IQCJ: variants seen among roughly 807,000 people sequenced by gnomAD.
The protein encoded by IQCJ is IQ motif containing J, also known as IQ domain-containing protein J.
In IQCJ, 9 loss-of-function variants were observed where a neutral mutation model predicts 11.0. The ratio of observed to expected loss-of-function variants is 0.82; its 90% CI spans 0.49 to 1.43. The LOEUF is 1.43. Ranked by LOEUF, IQCJ falls within the 40% of genes most tolerant of loss-of-function variation. The pLI, the probability that IQCJ is intolerant of heterozygous loss-of-function variation, is 0.00. For synonymous variants in IQCJ, 55 were observed against 51.3 expected (o/e 1.07, Z -0.31); for missense variants, 146 against 133.2 (o/e 1.10, Z -0.47).
At chr3:159,084,261 T>C (rs1397536154) in intron 1 of IQCJ, among the ~76,000 whole-genome samples, 1 of 132,230 alleles carries the variant, frequency 7.6e-6, no homozygotes, top group African/African-American at 2.8e-5. Flanking sequence ...AAAAAAAAAA[T>C]AGGGAGAAAA....
intron 2 of IQCJ, among the ~76,000 whole-genome samples, chr3:159,248,724 T>C (rs2108204800): frequency 6.6e-6 from 1 of 152,330 alleles, no homozygotes; most frequent in Admixed American, 6.5e-5. Context: ...TGAGAACCAG[T>C]AGTGAAAATA....
intron 1 of IQCJ, among the ~76,000 whole-genome samples, chr3:159,244,483 T>G (rs1281343359): frequency 1.3e-5 from 2 of 152,206 alleles, no homozygotes; most frequent in African/African-American, 2.4e-5. Context: ...AACTTTTTCA[T>G]CTGCAAAATC....
At chr3:159,114,683 G>A (rs890832474) in intron 1 of IQCJ, among the ~76,000 whole-genome samples, 2 of 152,072 alleles carry the variant, frequency 1.3e-5, no homozygotes, top group African/African-American at 4.8e-5. Context: ...AATGAAAATG[G>A]AACTCGTAAG....
At chr3:159,224,636 G>C (rs1394890841) in intron 1 of IQCJ, among the ~76,000 whole-genome samples, 1 of 152,138 alleles carries the variant, frequency 6.6e-6, no homozygotes, top group East Asian at 1.9e-4. Context: ...TGAACTTCCT[G>C]ATGGAAGTAT....
intron 1 of IQCJ, chr3:159,069,744 T>C: frequency 1.8e-6 from 1 of 558,518 alleles, no homozygotes; most frequent in Non-Finnish European, 3.4e-6. Flanking sequence ...GTCAGATCTG[T>C]AAATATCTTA....
intron 1 of IQCJ, among the ~76,000 whole-genome samples, chr3:159,101,520 G>T (rs2108099828): frequency 6.6e-6 from 1 of 152,298 alleles, no homozygotes; most frequent in South Asian, 2.1e-4. Flanking sequence ...CCACTCAGTG[G>T]ACATCAACTA....
intron 1 of IQCJ, among the ~76,000 whole-genome samples, chr3:159,227,887 G>T (rs771986229): frequency 1.3e-5 from 2 of 152,152 alleles, no homozygotes; most frequent in African/African-American, 4.8e-5. Flanking sequence ...TGAGTATTTC[G>T]CATTGAAGAG....
chr3:159,156,977 A>G (rs767785337), intron 1 of IQCJ, among the ~76,000 whole-genome samples: 2 of 152,184 alleles, frequency 1.3e-5, no homozygotes, highest in Non-Finnish European at 2.9e-5. Context: ...GTTTTTACCA[A>G]TGGACCTGGC....
chr3:159,144,001 C>T (rs931998529), intron 1 of IQCJ, among the ~76,000 whole-genome samples: 7 of 152,116 alleles, frequency 4.6e-5, no homozygotes, highest in African/African-American at 1.4e-4. Context: ...AGGGACAAAG[C>T]CTGTGCCCTC....
chr3:159,129,815 A>G (rs1004229290), intron 1 of IQCJ, among the ~76,000 whole-genome samples: 1 of 152,216 alleles, frequency 6.6e-6, no homozygotes, highest in African/African-American at 2.4e-5. Context: ...AGTTTCCCCC[A>G]GTGGTATTAT....
chr3:159,262,891 C>T lies in IQCJ; in HGVS notation c.*160C>T, dbSNP rs1728299059. On this transcript the variant is annotated 3_prime_UTR_variant, in exon 4 of 4. Coordinates refer to ENST00000397832, the MANE Select transcript of IQCJ (RefSeq NM_001042706.3). Reference sequence around the variant, plus strand: ...TTCATAAGCACAAAGTGAACTTTATCAAGTCTGGAGAAAATAGATTGCATT... The same window carrying T: ...TTCATAAGCACAAAGTGAACTTTATTAAGTCTGGAGAAAATAGATTGCATT... 7 of 1,392,114 alleles carry T rather than the reference C, an allele frequency of 5.0e-6. No individual in the cohort carries two copies. The allele number at this position is 1,392,114 out of a possible 1,614,324, so 86.2% of individuals were successfully genotyped here. A position where few individuals can be genotyped will look rare whatever the true frequency, so the allele number is the denominator to read the frequency against.
chr3:159,179,353 A>C (rs1271745188), intron 1 of IQCJ, among the ~76,000 whole-genome samples: 2 of 152,118 alleles, frequency 1.3e-5, no homozygotes, highest in African/African-American at 4.8e-5. Context: ...CTCTGCATCT[A>C]CTTACAGCAG....
At chr3:159,139,405 A>C (rs190443739) in intron 1 of IQCJ, among the ~76,000 whole-genome samples, 2 of 152,278 alleles carry the variant, frequency 1.3e-5, no homozygotes, top group Non-Finnish European at 2.9e-5. Flanking sequence ...ACTTGGATGC[A>C]CCCCAACTTC....
intron 1 of IQCJ, among the ~76,000 whole-genome samples, chr3:159,119,283 G>A (rs565682588): frequency 2.0e-5 from 3 of 152,298 alleles, no homozygotes; most frequent in African/African-American, 7.2e-5. Flanking sequence ...CTTGTAAATG[G>A]TAGATGACAT....
chr3:159,171,667 T>G (rs1042288610), intron 1 of IQCJ, among the ~76,000 whole-genome samples: 1 of 152,222 alleles, frequency 6.6e-6, no homozygotes, highest in Non-Finnish European at 1.5e-5. Context: ...CTTCTGAGAC[T>G]ATTTCTCGGG....
At chr3:159,170,343 A>G (rs1722420781) in intron 1 of IQCJ, among the ~76,000 whole-genome samples, 1 of 152,212 alleles carries the variant, frequency 6.6e-6, no homozygotes, top group African/African-American at 2.4e-5. Context: ...AAAAGAAGAC[A>G]TGAAATGTCA....
chr3:159,260,851 A>G (rs929430682), intron 3 of IQCJ, among the ~76,000 whole-genome samples: 2 of 152,132 alleles, frequency 1.3e-5, no homozygotes, highest in African/African-American at 4.8e-5. Flanking sequence ...TTACAATTCT[A>G]TACAAATCAT....
chr3:159,178,433 G>C (rs1722909593), intron 1 of IQCJ, among the ~76,000 whole-genome samples: 1 of 152,168 alleles, frequency 6.6e-6, no homozygotes, highest in South Asian at 2.1e-4. Context: ...CCTTCGATCA[G>C]CCCAGAAGTC....
chr3:159,261,169 A>G (rs748667120), intron 3 of IQCJ, among the ~76,000 whole-genome samples: 1 of 152,212 alleles, frequency 6.6e-6, no homozygotes, highest in Non-Finnish European at 1.5e-5. Context: ...AACAACTTTA[A>G]TGACATAGGT....
Sources: gnomAD v4.1 joint callset for allele counts (sites outside exome capture counted in the v4.1 genomes callset) on GRCh38, gnomAD v4.1.1 for gene constraint, MANE v1.5 for transcripts, NCBI Gene and HGNC (gene_info 2026-07-23, HGNC 2026-07-21) for gene names.